The following KCNU1 variants were observed in gnomAD, a reference collection of about 807,000 sequenced individuals.
KCNU1 encodes potassium channel subfamily U member 1.
In KCNU1, 93 loss-of-function variants were observed where a neutral mutation model predicts 126.8. The observed-to-expected ratio is 0.73, with a 90% confidence interval of 0.62 to 0.87. The LOEUF (loss-of-function observed/expected upper bound fraction) is 0.87, where lower values mean the gene tolerates loss of function less well. Among genes scored for constraint, KCNU1 ranks in the 40% least tolerant of loss-of-function variants. KCNU1 has a pLI of 0.00. For synonymous variants in KCNU1, 523 were observed against 494.2 expected, an observed-to-expected ratio of 1.06 and a Z score of -0.77; for missense variants, 1,330 against 1,367.1, an observed-to-expected ratio of 0.97 and a Z score of 0.43.
intron 4 of KCNU1, 23 bp from the exon 5 acceptor site, chr8:36,806,240 ATTTGTG>A: frequency 6.9e-7 from 1 of 1,448,868 alleles, no homozygotes. Context: ...GGGTAACAGA[ATTTGTG>A]TTATTCTGTT....
At chr8:36,817,610 G>A in intron 9 of KCNU1, 40 bp from the exon 10 acceptor site, 1 of 1,001,290 alleles carries the variant, frequency 1.0e-6, no homozygotes, top group Non-Finnish European at 1.6e-6. Context: ...AGGTGCTTAT[G>A]TGCCTCGGAT....
At chr8:36,800,921 C>T (rs1306961848) in intron 2 of KCNU1, among the ~76,000 whole-genome samples, 1 of 152,146 alleles carries the variant, frequency 6.6e-6, no homozygotes, top group Admixed American at 6.5e-5. Flanking sequence ...TTCAACAAAA[C>T]AGGACTGAGT....
At chr8:36,883,728 C>G (rs1461278460) in intron 19 of KCNU1, among the ~76,000 whole-genome samples, 1 of 152,104 alleles carries the variant, frequency 6.6e-6, no homozygotes, top group Admixed American at 6.6e-5. Context: ...GAGGTCGAGG[C>G]TGCAGTGAGC....
rs568386188 is a variant in KCNU1, at chr8:36,857,442, C to T, written c.1892-6962C>T. The stretch of plus-strand genomic sequence containing the variant: ...GACTGGGAGCTGGAGGGAGGGGGAG[C>T]CCTGCATTCTTGAGCACACCTGTCC... On this transcript the variant is annotated intron_variant, in intron 18 of 26. Transcript: ENST00000399881. Among the ~76,000 whole-genome samples, 11 of 152,168 alleles carry T rather than the reference C, an allele frequency of 7.2e-5. No homozygotes were observed. The East Asian group carries it at 1.7e-3, about 24-fold the overall frequency.
intron 21 of KCNU1, among the ~76,000 whole-genome samples, chr8:36,910,425 A>G (rs564610418): frequency 1.3e-5 from 2 of 152,116 alleles, no homozygotes; most frequent in South Asian, 4.2e-4. Flanking sequence ...ACTATATTAG[A>G]CTCCAACCTA....
intron 23 of KCNU1, 116 bp downstream of exon 23, chr8:36,919,013 C>T: frequency 1.4e-6 from 1 of 710,774 alleles, no homozygotes; most frequent in South Asian, 1.7e-5. Context: ...GAATGGGGCT[C>T]AGAGCTTTAA....
chr8:36,871,540 G>T (rs545849421), intron 19 of KCNU1, among the ~76,000 whole-genome samples: 3 of 152,054 alleles, frequency 2.0e-5, no homozygotes, highest in African/African-American at 7.2e-5. Flanking sequence ...CTTCTTAAAA[G>T]CATCAGAATT....
At position 36,834,814 on chromosome 8, in the gene KCNU1, T is replaced by C. The variant is rs1363114837; in HGVS notation, c.1241T>C (p.Ile414Thr). The C allele has an allele frequency of 6.2e-7, 1 of 1,612,238 alleles. No individual in the cohort carries two copies. Residue 414 changes from isoleucine to threonine, a missense_variant, in exon 12 of 27, where the codon ATA becomes ACA. Transcript: ENST00000399881. Reference protein sequence around the residue: ...AVESAEACLIIANPLCSDSHA... With the variant: ...AVESAEACLITANPLCSDSHA... ...GAATCTGCAGAGGCATGCCTGATTATAGCCAATCCTTTGTGCAGTGATTCC... is the reference window on the plus strand; with the variant it reads ...GAATCTGCAGAGGCATGCCTGATTACAGCCAATCCTTTGTGCAGTGATTCC...
At chr8:36,920,985 G>A (rs184612522) in intron 23 of KCNU1, among the ~76,000 whole-genome samples, 2 of 152,276 alleles carry the variant, frequency 1.3e-5, no homozygotes, top group East Asian at 1.9e-4. Flanking sequence ...TGCTTGTCCA[G>A]CAGATTTGTT....
chr8:36,795,077 G>C (rs1281033333), intron 2 of KCNU1, among the ~76,000 whole-genome samples: 3 of 152,226 alleles, frequency 2.0e-5, no homozygotes, highest in African/African-American at 7.2e-5. Flanking sequence ...GGGGCAGGGA[G>C]AGCTAATTCT....
chr8:36,864,381 C>T (rs1805829125), intron 18 of KCNU1, 23 bp from the exon 19 acceptor site: 1 of 1,375,502 alleles, frequency 7.3e-7, no homozygotes, highest in Non-Finnish European at 1.0e-6. Context: ...TGCCAACTCA[C>T]TGAGATTTCT....
chr8:36,834,843 G>A lies in KCNU1; in HGVS notation c.1270G>A (p.Ala424Thr), dbSNP rs746580344. 5.6e-6 allele frequency: 9 copies of A among 1,611,056 alleles called. No homozygotes were observed. The highest frequency in any genetic ancestry group is 4.0e-5 in the African/African-American group (3 of 74,890). ...IANPLCSDSHAEDISNIMRVL... is the reference protein window; with the variant it reads ...IANPLCSDSHTEDISNIMRVL... ...CAATCCTTTGTGCAGTGATTCCCAT[G>A]CTGAAGATATTTCCAACATTATGAG... Residue 424 changes from alanine (A) to threonine (T), a missense_variant, in exon 12 of 27, where the codon GCT becomes ACT. Around this residue, in one of 3 missense-constraint regions of KCNU1, gnomAD observed 1,054 missense variants for 1,053.9 expected, o/e 1.00. Coordinates refer to ENST00000399881, the MANE Select transcript of KCNU1 (RefSeq NM_001031836.3).
chr8:36,875,599 G>A (rs1806253003), intron 19 of KCNU1, among the ~76,000 whole-genome samples: 1 of 151,788 alleles, frequency 6.6e-6, no homozygotes, highest in South Asian at 2.1e-4. Flanking sequence ...CAATGCAAAT[G>A]ACCTTCCAAA....
chr8:36,787,268 T>A, intron 1 of KCNU1, 38 bp from the exon 2 acceptor site: 1 of 1,565,458 alleles, frequency 6.4e-7, no homozygotes, highest in Non-Finnish European at 8.7e-7. Context: ...TTCTCTCAGA[T>A]CCAGCTCACA....
intron 2 of KCNU1, among the ~76,000 whole-genome samples, chr8:36,800,554 G>A (rs564961768): frequency 6.6e-6 from 1 of 152,322 alleles, no homozygotes; most frequent in East Asian, 1.9e-4. Context: ...CTCAGCCTCA[G>A]GGTGTCTCCT....
intron 7 of KCNU1, among the ~76,000 whole-genome samples, chr8:36,811,456 A>T (rs1286101791): frequency 2.0e-5 from 3 of 152,182 alleles, no homozygotes; most frequent in Non-Finnish European, 2.9e-5. Context: ...CCAGAAGATG[A>T]TACAGCAGTG....
At chr8:36,876,236 C>T (rs1233400842) in intron 19 of KCNU1, among the ~76,000 whole-genome samples, 1 of 152,136 alleles carries the variant, frequency 6.6e-6, no homozygotes, top group Non-Finnish European at 1.5e-5. Flanking sequence ...TATGAACCCA[C>T]TGGCATAAGG....
At chr8:36,926,436 C>T (rs1018640099) in intron 24 of KCNU1, among the ~76,000 whole-genome samples, 2 of 152,142 alleles carry the variant, frequency 1.3e-5, no homozygotes, top group African/African-American at 4.8e-5. Flanking sequence ...CATCTCTCCC[C>T]TCCATCAGAG....
intron 19 of KCNU1, among the ~76,000 whole-genome samples, chr8:36,880,519 G>T (rs1806437370): frequency 6.6e-6 from 1 of 152,126 alleles, no homozygotes; most frequent in African/African-American, 2.4e-5. Context: ...CCACCCTCCA[G>T]TTATTGGTAT....
Sources: gnomAD v4.1 joint callset for allele counts (sites outside exome capture counted in the v4.1 genomes callset) on GRCh38, gnomAD v4.1.1 for gene constraint, gnomAD v4.1.1 regional missense constraint, MANE v1.5 for transcripts, NCBI Gene and HGNC (gene_info 2026-07-23, HGNC 2026-07-21) for gene names.